Variants in CLEC6A observed in about 807,000 individuals in gnomAD.
CLEC6A encodes C-type lectin domain containing 6A.
Under a neutral mutation model 25.7 loss-of-function variants are expected in CLEC6A, and 22 were observed. That is an observed-to-expected ratio of 0.85 (90% confidence interval 0.61 to 1.22). The LOEUF (loss-of-function observed/expected upper bound fraction) is 1.22. CLEC6A is among the 50% of genes most tolerant of loss of function. CLEC6A has a pLI of 0.00. For missense variants in CLEC6A, 240 were observed against 236.8 expected, an observed-to-expected ratio of 1.01 and a Z score of -0.09; for synonymous variants, 92 against 76.7, an observed-to-expected ratio of 1.20 and a Z score of -1.04.
intron 4 of CLEC6A, among the ~76,000 whole-genome samples, chr12:8,472,192 CTG>C (rs1939913699): frequency 6.6e-6 from 1 of 152,098 alleles, no homozygotes; most frequent in Admixed American, 6.6e-5. Context: ...TTCTCTGGAT[CTG>C]TGTGTGTACT....
intron 1 of CLEC6A, among the ~76,000 whole-genome samples, chr12:8,456,732 T>C (rs1382659579): frequency 6.6e-6 from 1 of 152,200 alleles, no homozygotes; most frequent in Non-Finnish European, 1.5e-5. Flanking sequence ...GAAAATTACA[T>C]TATCCATCAC....
intron 3 of CLEC6A, among the ~76,000 whole-genome samples, chr12:8,465,129 A>G (rs1939812740): frequency 6.6e-6 from 1 of 152,330 alleles, no homozygotes; most frequent in South Asian, 2.1e-4. Context: ...GGCTTGCCCA[A>G]GATTACTGAG....
chr12:8,467,956 T>TCCC (rs771162728), intron 4 of CLEC6A, among the ~76,000 whole-genome samples: 19 of 151,280 alleles, frequency 1.3e-4, no homozygotes, highest in South Asian at 2.1e-4. Flanking sequence ...TTTTTTTTTT[T>TCCC]CCCCAAGACG....
intron 1 of CLEC6A, 62 bp downstream of exon 1, chr12:8,456,204 G>T: frequency 6.6e-7 from 1 of 1,514,588 alleles, no homozygotes. Flanking sequence ...ATCACCTGGA[G>T]AGAAGAAGTA....
chr12:8,476,059 G>A (rs763900288), intron 4 of CLEC6A, 66 bp from the exon 5 acceptor site: 67 of 1,009,396 alleles, frequency 6.6e-5, no homozygotes, highest in Non-Finnish European at 9.1e-5. Flanking sequence ...AAGGCTATAA[G>A]CAACCTTTAC....
chr12:8,465,704 T>G, intron 4 of CLEC6A, 75 bp downstream of exon 4: 1 of 1,318,118 alleles, frequency 7.6e-7, no homozygotes. Flanking sequence ...TAACCATTTT[T>G]CAGTGTACTG....
intron 4 of CLEC6A, among the ~76,000 whole-genome samples, chr12:8,473,837 A>G (rs1317701144): frequency 2.0e-5 from 3 of 151,588 alleles, no homozygotes; most frequent in African/African-American, 4.9e-5. Flanking sequence ...AGAGATGTGC[A>G]TTTTTTCTTA....
At chr12:8,461,192 G>A in intron 3 of CLEC6A, 1 of 1,072,578 alleles carries the variant, frequency 9.3e-7, no homozygotes. Context: ...CTGGCAGATT[G>A]GAGAATGTGC....
At chr12:8,456,181 AT>A in intron 1 of CLEC6A, 39 bp downstream of exon 1, 2 of 1,602,052 alleles carry the variant, frequency 1.2e-6, no homozygotes, top group Non-Finnish European at 1.7e-6. Context: ...GTGGAAGTGT[AT>A]GGTGAAATGA....
Position 8,477,458 on chromosome 12 carries a change from C to T in CLEC6A, c.624C>T (p.Tyr208=), listed in dbSNP as rs1162895301. Residue 208 remains tyrosine (Y), a synonymous_variant, in exon 6 of 6, where the codon TAC becomes TAT. Coordinates refer to ENST00000382073, the MANE Select transcript of CLEC6A (RefSeq NM_001007033.2). ...RNSICEMNKI[Y]L ...CAATATGTGAGATGAATAAGATTTACCTATGAGTAGAAGCTTAATTGGAAA... is the reference window on the plus strand; with the variant it reads ...CAATATGTGAGATGAATAAGATTTATCTATGAGTAGAAGCTTAATTGGAAA... The T allele has an allele frequency of 1.9e-6, 3 of 1,600,130 alleles. No individual in the cohort carries two copies. The highest frequency in any genetic ancestry group is 1.7e-5 in the Admixed American group (1 of 57,148).
At chr12:8,469,177 C>T (rs1939873461) in intron 4 of CLEC6A, among the ~76,000 whole-genome samples, 1 of 151,990 alleles carries the variant, frequency 6.6e-6, no homozygotes, top group Non-Finnish European at 1.5e-5. Flanking sequence ...AGAACTCAAC[C>T]CCTTTTACAG....
At chr12:8,460,458 C>T (rs1300794973) in intron 3 of CLEC6A, among the ~76,000 whole-genome samples, 1 of 152,184 alleles carries the variant, frequency 6.6e-6, no homozygotes, top group East Asian at 1.9e-4. Flanking sequence ...CCCCAAGATT[C>T]AATTATCTCC....
intron 1 of CLEC6A, 88 bp downstream of exon 1, chr12:8,456,230 G>A: frequency 7.5e-7 from 1 of 1,328,364 alleles, no homozygotes; most frequent in Non-Finnish European, 1.1e-6. Flanking sequence ...AGAACAGATT[G>A]AAGAGCTAGT....
intron 2 of CLEC6A, among the ~76,000 whole-genome samples, chr12:8,458,926 A>C (rs1048770628): frequency 4.6e-5 from 7 of 152,220 alleles, no homozygotes; most frequent in African/African-American, 1.7e-4. Context: ...GAAAGTGAAC[A>C]TTAACATAAA....
chr12:8,462,350 TAA>T (rs1313055391), intron 3 of CLEC6A, among the ~76,000 whole-genome samples: 9 of 140,738 alleles, frequency 6.4e-5, no homozygotes, highest in Non-Finnish European at 1.4e-4. Context: ...CTGACACCCG[TAA>T]AGGGTCTGTG....
chr12:8,457,892 G>A lies in CLEC6A; in HGVS notation c.32-6G>A. 6.2e-7 allele frequency: 1 copy of A among 1,611,380 alleles called. No homozygotes were observed. The highest frequency in any genetic ancestry group is 8.5e-7 in the Non-Finnish European group (1 of 1,177,636). On this transcript the variant is annotated splice_polypyrimidine_tract_variant and splice_region_variant and intron_variant, in intron 1 of 5. Coordinates refer to ENST00000382073, the MANE Select transcript of CLEC6A (RefSeq NM_001007033.2). The stretch of plus-strand genomic sequence containing the variant: ...AACTGCATTTGTTGTCTTCCTGATT[G>A]GACAGAGAAAAGAGGCTGGTTGTCC...
chr12:8,461,171 G>A, intron 3 of CLEC6A: 2 of 1,281,992 alleles, frequency 1.6e-6, no homozygotes, highest in Non-Finnish European at 2.2e-6. Flanking sequence ...CACACTATTT[G>A]TGGTTCTCAT....
At chr12:8,477,216 T>A in intron 5 of CLEC6A, 104 bp from the exon 6 acceptor site, 2 of 834,868 alleles carry the variant, frequency 2.4e-6, no homozygotes, top group African/African-American at 1.7e-5. Context: ...ATTGGAATGT[T>A]CTCTCTTCCT....
At chr12:8,465,144 A>C (rs1342621838) in intron 3 of CLEC6A, among the ~76,000 whole-genome samples, 1 of 152,178 alleles carries the variant, frequency 6.6e-6, no homozygotes, top group East Asian at 1.9e-4. Flanking sequence ...ACTGAGCAGA[A>C]CTGGGTTTCT....
Sources: gnomAD v4.1 joint callset for allele counts (sites outside exome capture counted in the v4.1 genomes callset) on GRCh38, gnomAD v4.1.1 for gene constraint, MANE v1.5 for transcripts, NCBI Gene and HGNC (gene_info 2026-07-23, HGNC 2026-07-21) for gene names.